Variants in SH3RF2 observed in about 807,000 individuals in gnomAD.
SH3RF2 encodes E3 ubiquitin-protein ligase SH3RF2.
In SH3RF2, 43 loss-of-function variants were observed where a neutral mutation model predicts 59.0. The observed-to-expected ratio is 0.73, with a 90% CI of 0.57 to 0.94. The LOEUF (loss-of-function observed/expected upper bound fraction) is 0.94, where lower values mean the gene tolerates loss of function less well. Among genes scored for constraint, SH3RF2 ranks in the 40% least tolerant of loss-of-function variants. The pLI is 0.00. For synonymous variants in SH3RF2, 391 were observed against 391.5 expected (o/e 1.00, Z 0.01); for missense variants, 930 against 940.1 (o/e 0.99, Z 0.14).
chr5:145,991,687 A>G (rs1304071848), intron 2 of SH3RF2, among the ~76,000 whole-genome samples: 1 of 152,224 alleles, frequency 6.6e-6, no homozygotes, highest in Non-Finnish European at 1.5e-5. Flanking sequence ...GGCAATTAGT[A>G]CTATTTTAGG....
At chr5:146,077,728 A>G (rs933848868) in intron 9 of SH3RF2, among the ~76,000 whole-genome samples, 2 of 152,186 alleles carry the variant, frequency 1.3e-5, no homozygotes, top group Non-Finnish European at 2.9e-5. Flanking sequence ...AATTATTTCA[A>G]AAGTCTTTTC....
At chr5:145,990,271 A>G (rs1759883494) in intron 2 of SH3RF2, among the ~76,000 whole-genome samples, 1 of 152,200 alleles carries the variant, frequency 6.6e-6, no homozygotes, top group Admixed American at 6.5e-5. Context: ...TCACCAATAT[A>G]ATAGCCAACA....
chr5:146,008,909 T>C (rs925742002), intron 4 of SH3RF2, among the ~76,000 whole-genome samples: 1 of 152,228 alleles, frequency 6.6e-6, no homozygotes, highest in African/African-American at 2.4e-5. Context: ...TCGGGCTTCT[T>C]TCATTTTGCA....
rs556726117 is a variant in SH3RF2, at chr5:146,001,356, C to A, written c.648+1029C>A. On this transcript the variant is annotated intron_variant, in intron 3 of 9. Coordinates refer to ENST00000359120, the MANE Select transcript of SH3RF2 (RefSeq NM_152550.4). ...AGCTTAGGCAAGGTGTTTCGTTTTA[C>A]AAAATGTTTTTATTCCACCACTACC... Among the ~76,000 whole-genome samples, 3 of 152,306 alleles carry A rather than the reference C, an allele frequency of 2.0e-5. No individual in the cohort carries two copies. The South Asian group carries it at 6.2e-4, about 32-fold the overall frequency.
chr5:146,003,995 T>C, intron 3 of SH3RF2, 63 bp from the exon 4 acceptor site: 1 of 1,418,680 alleles, frequency 7.0e-7, no homozygotes, highest in South Asian at 1.2e-5. Context: ...AACTGATCTC[T>C]GCTGAGAGCT....
chr5:146,063,011 C>T lies in SH3RF2; in HGVS notation c.*310C>T, dbSNP rs939881298. The T allele has an allele frequency of 3.6e-5, 13 of 362,714 alleles. No individual in the cohort carries two copies. Among genetic ancestry groups the T allele is most frequent in the East Asian group, 1.2e-4 (2 of 16,896 alleles). The allele number at this position is 362,714 out of a possible 1,614,324, so 22.5% of individuals were successfully genotyped here. ...GGAGTATGTGGCCTCTTGTCATCCC[C>T]GTGTTACTGTGTAGAATTTCTATGG... On this transcript the variant is annotated 3_prime_UTR_variant, in exon 10 of 10. Transcript: ENST00000359120.
chr5:146,040,641 GA>G (rs940795200), intron 5 of SH3RF2, among the ~76,000 whole-genome samples: 2 of 151,852 alleles, frequency 1.3e-5, no homozygotes, highest in South Asian at 2.1e-4. Flanking sequence ...GTGTACTTCA[GA>G]AAAAAAAGTA....
intron 2 of SH3RF2, among the ~76,000 whole-genome samples, chr5:145,940,470 G>T (rs1408475001): frequency 1.3e-5 from 2 of 152,246 alleles, no homozygotes; most frequent in Non-Finnish European, 1.5e-5. Context: ...CCACAGTTAA[G>T]AGAACTGAGG....
chr5:145,979,045 A>T (rs1219527562), intron 2 of SH3RF2, among the ~76,000 whole-genome samples: 1 of 152,226 alleles, frequency 6.6e-6, no homozygotes, highest in Non-Finnish European at 1.5e-5. Flanking sequence ...AGGGCCTAGA[A>T]TCTAAATTCT....
At chr5:146,062,123 C>T (rs995446911) in intron 9 of SH3RF2, among the ~76,000 whole-genome samples, 3 of 152,162 alleles carry the variant, frequency 2.0e-5, no homozygotes, top group African/African-American at 4.8e-5. Context: ...ACCCTCTTGC[C>T]TCAGGCTGTT....
At chr5:146,004,345 C>G (rs1328999202) in intron 4 of SH3RF2, among the ~76,000 whole-genome samples, 192 bp downstream of exon 4, 1 of 152,128 alleles carries the variant, frequency 6.6e-6, no homozygotes, top group East Asian at 1.9e-4. Context: ...TTTCTATTCT[C>G]CTGATGGGAA....
At chr5:145,954,072 C>T (rs1297825369) in intron 2 of SH3RF2, among the ~76,000 whole-genome samples, 1 of 152,182 alleles carries the variant, frequency 6.6e-6, no homozygotes, top group Non-Finnish European at 1.5e-5. Context: ...GGTATATACC[C>T]AGTAATGGGA....
At chr5:146,068,159 A>T (rs573097578), downstream of SH3RF2, among the ~76,000 whole-genome samples, 18 of 152,352 alleles carry the variant, frequency 1.2e-4, no homozygotes, top group South Asian at 3.7e-3. Flanking sequence ...CAAAGGCCTC[A>T]GCAATGCCTG....
downstream of SH3RF2, among the ~76,000 whole-genome samples, chr5:146,065,920 T>C (rs1763092731): frequency 6.6e-6 from 1 of 152,246 alleles, no homozygotes; most frequent in Non-Finnish European, 1.5e-5. Flanking sequence ...GCATCCCAAG[T>C]GCTGGGATTA....
Position 146,049,105 on chromosome 5 carries a change from TGG to T in SH3RF2, c.1183_1184del (p.Gly395ThrfsTer3). 1.2e-6 allele frequency: 2 copies of T among 1,614,036 alleles called. No individual in the cohort carries two copies. The highest frequency in any genetic ancestry group is 1.7e-6 in the Non-Finnish European group (2 of 1,179,960). On this transcript the variant is annotated frameshift_variant, in exon 7 of 10. Transcript: ENST00000359120. LOFTEE classifies it high-confidence loss of function. Reference sequence around the variant, plus strand: ...TAGCCCTGCACTCCTACTCAGCCCATGGACCCGATGAGCTGGACCTGCAAAAG... The same window carrying T: ...TAGCCCTGCACTCCTACTCAGCCCATACCCGATGAGCTGGACCTGCAAAAG... The part of the protein sequence containing the change: ...FVALHSYSAH[G>X]PDELDLQKGE...
intron 5 of SH3RF2, among the ~76,000 whole-genome samples, chr5:146,045,264 A>G (rs1355026121): frequency 6.6e-6 from 1 of 152,224 alleles, no homozygotes; most frequent in Non-Finnish European, 1.5e-5. Flanking sequence ...CACTTTATGC[A>G]GTGCTAAGAG....
chr5:145,962,227 C>G lies in SH3RF2; in HGVS notation c.378+23921C>G, dbSNP rs553432395. On this transcript the variant is annotated intron_variant, in intron 2 of 9. Coordinates refer to ENST00000359120, the MANE Select transcript of SH3RF2 (RefSeq NM_152550.4). ...CTAAAGCCAGAGGTCTGGGCAGAAT[C>G]AGCCATCCTGCACCACATGGCCTGA... Among the ~76,000 whole-genome samples the G allele has an allele frequency of 2.7e-4, 41 of 152,272 alleles. 1 individual carries two copies. In the South Asian group the frequency reaches 8.5e-3, roughly 32 times the overall value.
intron 5 of SH3RF2, among the ~76,000 whole-genome samples, chr5:146,020,037 C>A (rs1761252986): frequency 6.6e-6 from 1 of 152,060 alleles, no homozygotes; most frequent in Admixed American, 6.5e-5. Flanking sequence ...GGTATAAGAT[C>A]ATCAGCAAAC....
chr5:145,982,877 G>A (rs1759556658), intron 2 of SH3RF2, among the ~76,000 whole-genome samples: 1 of 152,318 alleles, frequency 6.6e-6, no homozygotes, highest in South Asian at 2.1e-4. Flanking sequence ...AGGAGAGGGA[G>A]AGGGTGGAGT....
Sources: gnomAD v4.1 joint callset for allele counts (sites outside exome capture counted in the v4.1 genomes callset) on GRCh38, gnomAD v4.1.1 for gene constraint, MANE v1.5 for transcripts, NCBI Gene and HGNC (gene_info 2026-07-23, HGNC 2026-07-21) for gene names.